Variants in BCORL1 observed in about 807,000 individuals in gnomAD.
The protein encoded by BCORL1 is BCL6 corepressor like 1, also known as BCL-6 corepressor-like protein 1.
In BCORL1, 7 loss-of-function variants were observed where a neutral mutation model predicts 87.6. The observed-to-expected ratio is 0.08, with a 90% CI of 0.05 to 0.15. BCORL1 has a LOEUF of 0.15. Among genes scored for constraint, BCORL1 ranks in the 10% least tolerant of loss-of-function variants. The pLI, the probability that BCORL1 is intolerant of heterozygous loss-of-function variation, is 1.00. For synonymous variants in BCORL1, 591 were observed against 634.4 expected, an observed-to-expected ratio of 0.93 and a Z score of 1.03; for missense variants, 1,215 against 1,499.7, an observed-to-expected ratio of 0.81 and a Z score of 3.13.
chrX:130,011,811 G>T (rs762546581), intron 2 of BCORL1, among the ~76,000 whole-genome samples: 1 of 110,484 alleles, frequency 9.1e-6, no homozygotes. Context: ...GGAGACTGAT[G>T]GGGGGGCAGG....
chrX:130,050,221 CAG>C (rs763281528), intron 11 of BCORL1, among the ~76,000 whole-genome samples: 2 of 110,019 alleles, frequency 1.8e-5, no homozygotes, highest in South Asian at 7.8e-4. Flanking sequence ...CGCTTGAGCT[CAG>C]GGGTTTGTGA....
chrX:129,985,011 C>T (rs1290541690), intron 1 of BCORL1, among the ~76,000 whole-genome samples: 2 of 110,794 alleles, frequency 1.8e-5, no homozygotes, highest in African/African-American at 6.6e-5. Context: ...TAACTTTGTG[C>T]CACAGCTTGA....
chrX:130,015,093 G>A lies in BCORL1; in HGVS notation c.2321G>A (p.Gly774Asp), dbSNP rs1332942791. The A allele has an allele frequency of 8.2e-7, 1 of 1,212,338 alleles. No homozygotes were observed. Among genetic ancestry groups the A allele is most frequent in the Non-Finnish European group, 1.1e-6 (1 of 895,609 alleles). The change falls in exon 4 of 14, where the codon GGT becomes GAT. Residue 774 changes from glycine (G) to aspartate (D), a missense_variant. Physicochemically the swap from Gly to Asp is moderately conservative, Grantham distance 94. Transcript: ENST00000540052. ...ATCGKKGSQA[G>D]AEGQPSTVKR... Reference sequence around the variant, plus strand: ...TGTGGCAAAAAGGGCAGCCAGGCTGGTGCTGAGGGACAGCCAAGCACAGTG... The same window carrying A: ...TGTGGCAAAAAGGGCAGCCAGGCTGATGCTGAGGGACAGCCAAGCACAGTG...
intron 11 of BCORL1, among the ~76,000 whole-genome samples, chrX:130,043,768 A>T (rs1603168098): frequency 5.7e-5 from 1 of 17,688 alleles, no homozygotes; most frequent in Non-Finnish European, 8.3e-5. Context: ...ATATATATAT[A>T]TATATATATA....
chrX:130,011,068 C>T (rs1187113063), intron 2 of BCORL1, among the ~76,000 whole-genome samples: 3 of 102,916 alleles, frequency 2.9e-5, no homozygotes, highest in Admixed American at 1.1e-4. Flanking sequence ...AGGGAGGTCA[C>T]CTCAGGCACA....
At chrX:130,045,994 T>C (rs1931720896) in intron 11 of BCORL1, among the ~76,000 whole-genome samples, 2 of 111,093 alleles carry the variant, frequency 1.8e-5, no homozygotes, top group Non-Finnish European at 3.8e-5. Flanking sequence ...TAAAAGGAAA[T>C]AATTAGGCTG....
At chrX:130,046,964 C>T (rs1443276418) in intron 11 of BCORL1, among the ~76,000 whole-genome samples, 1 of 106,854 alleles carries the variant, frequency 9.4e-6, no homozygotes, top group African/African-American at 3.4e-5. Flanking sequence ...TATGGATTTC[C>T]CTATTCTAGA....
intron 2 of BCORL1, among the ~76,000 whole-genome samples, chrX:130,006,601 C>T (rs1276564405): frequency 1.8e-5 from 2 of 110,858 alleles, no homozygotes; most frequent in African/African-American, 3.3e-5. Flanking sequence ...CCTCGTGATC[C>T]GCCCGCCTCG....
At position 130,014,369 on chromosome X, in the gene BCORL1, G is replaced by T; in HGVS notation, c.1597G>T (p.Gly533Cys). Residue 533 changes from glycine to cysteine, a missense_variant, in exon 4 of 14, where the codon GGT becomes TGT. Around this residue, in one of 5 missense-constraint regions of BCORL1, gnomAD observed 861 missense variants for 1,010.0 expected, o/e 0.85. Transcript: ENST00000540052. The part of the protein sequence containing the change: ...VNRLPCTSPS[G>C]STTTQPAPDG... ...CAGGCTCCCCTGCACTTCCCCATCC[G>T]GTAGCACCACCACCCAGCCTGCACC... 1 of 1,211,355 alleles carries T rather than the reference G, an allele frequency of 8.3e-7. No homozygotes were observed. The highest frequency in any genetic ancestry group is 1.7e-5 in the African/African-American group (1 of 57,629).
At chrX:130,041,637 A>T (rs1349256909) in intron 11 of BCORL1, among the ~76,000 whole-genome samples, 1 of 110,402 alleles carries the variant, frequency 9.1e-6, no homozygotes, top group Non-Finnish European at 1.9e-5. Flanking sequence ...GAAGACTTTT[A>T]TTTTTTTTAG....
At chrX:130,043,779 TATA>T (rs1345785157) in intron 11 of BCORL1, among the ~76,000 whole-genome samples, 1 of 24,658 alleles carries the variant, frequency 4.1e-5, no homozygotes, top group African/African-American at 2.9e-4. Context: ...TATATATATA[TATA>T]TATTTTTTTT....
At chrX:130,002,406 A>G (rs2051576887) in intron 1 of BCORL1, among the ~76,000 whole-genome samples, 1 of 108,565 alleles carries the variant, frequency 9.2e-6, no homozygotes, top group African/African-American at 3.4e-5. Context: ...CAGGGCTGAC[A>G]ACTGGCACAG....
At chrX:130,007,421 G>T (rs886348979) in intron 2 of BCORL1, among the ~76,000 whole-genome samples, 15 of 112,602 alleles carry the variant, frequency 1.3e-4, no homozygotes, top group African/African-American at 4.2e-4. Flanking sequence ...AATGATTTGC[G>T]TAAGTATTCA....
At chrX:130,009,479 A>G (rs1928792468) in intron 2 of BCORL1, among the ~76,000 whole-genome samples, 1 of 109,010 alleles carries the variant, frequency 9.2e-6, no homozygotes, top group African/African-American at 3.3e-5. Flanking sequence ...AAAAAAAAAA[A>G]AAAGCACAGT....
chrX:129,984,271 G>C lies in BCORL1; in HGVS notation c.-45+1509G>C, dbSNP rs1926406512. On this transcript the variant is annotated intron_variant, in intron 1 of 13. Transcript: ENST00000540052. ...CTGGGCGGGGAACGGAGGCCAAAGA[G>C]AGTCCCGTGCCGGGGCAGAGGGCGC... 2.8e-5 allele frequency among the ~76,000 whole-genome samples: 3 copies of C among 105,322 alleles called. No homozygotes were observed. The Admixed American group carries it at 3.0e-4, about 10-fold the overall frequency. 91.5% of individuals were successfully genotyped at this position (105,322 alleles called of 115,157 possible).
rs1166395349 is a variant in BCORL1, at chrX:130,043,918, C to T, written c.4840+4636C>T. 1.1e-4 allele frequency among the ~76,000 whole-genome samples: 11 copies of T among 102,210 alleles called. No individual in the cohort carries two copies. In the South Asian group the frequency reaches 3.7e-3, roughly 34 times the overall value. The allele number at this position is 102,210 out of a possible 115,157, so 88.8% of individuals were successfully genotyped here. A position where few individuals can be genotyped will look rare whatever the true frequency, so the allele number is the denominator to read the frequency against. ...CGGAGTAGCTGGGACTACAGTCGCC[C>T]GCCACCATGCCCGGCTAATTTTTTT... is the stretch of plus-strand genomic sequence containing the variant. On this transcript the variant is annotated intron_variant, in intron 11 of 13. Coordinates refer to ENST00000540052, the MANE Select transcript of BCORL1 (RefSeq NM_001379451.1).
intron 1 of BCORL1, among the ~76,000 whole-genome samples, chrX:129,991,617 C>G (rs976510436): frequency 9.4e-6 from 1 of 106,310 alleles, no homozygotes; most frequent in African/African-American, 3.5e-5. Flanking sequence ...GCTGGGATTA[C>G]AGGTGTGAGC....
chrX:130,003,529 C>T (rs781129025), intron 1 of BCORL1, among the ~76,000 whole-genome samples: 1 of 110,163 alleles, frequency 9.1e-6, no homozygotes, highest in Non-Finnish European at 1.9e-5. Context: ...TGTGCTACCA[C>T]GGTGGCTAAT....
Position 130,015,474 on chromosome X carries a change from C to A in BCORL1, c.2702C>A (p.Pro901His). The A allele has an allele frequency of 8.2e-7, 1 of 1,212,256 alleles. No individual in the cohort carries two copies. Among genetic ancestry groups the A allele is most frequent in the Non-Finnish European group, 1.1e-6 (1 of 895,575 alleles). The stretch of plus-strand genomic sequence containing the variant: ...GGCTCCTTCGTTCCAGAGCAGGACC[C>A]TGTTACAAAGAACAAAACTTGCCGG... ...PGGSFVPEQD[P>H]VTKNKTCRIA... The change falls in exon 4 of 14, where the codon CCT becomes CAT. Residue 901 changes from proline (P) to histidine (H), a missense_variant. By Grantham distance (77) the Pro-to-His change is moderately conservative. Around this residue, in one of 5 missense-constraint regions of BCORL1, gnomAD observed 861 missense variants for 1,010.0 expected, o/e 0.85. Transcript: ENST00000540052.
Sources: gnomAD v4.1 joint callset for allele counts (sites outside exome capture counted in the v4.1 genomes callset) on GRCh38, gnomAD v4.1.1 for gene constraint, gnomAD v4.1.1 regional missense constraint, MANE v1.5 for transcripts, NCBI Gene and HGNC (gene_info 2026-07-23, HGNC 2026-07-21) for gene names.